The following MAST4 variants were observed in gnomAD, a reference collection of about 807,000 sequenced individuals.
MAST4 encodes microtubule-associated serine/threonine-protein kinase 4.
MAST4 carries 89 observed loss-of-function variants against 162.7 expected under a neutral mutation model. That is an observed-to-expected ratio of 0.55 (90% CI 0.46 to 0.65). The LOEUF (loss-of-function observed/expected upper bound fraction) is 0.65. Among genes scored for constraint, MAST4 ranks in the 30% least tolerant of loss-of-function variants. The pLI is 0.00. For synonymous variants in MAST4, 1,479 were observed against 1,361.1 expected (o/e 1.09, Z -1.91); for missense variants, 3,153 against 3,374.0 (o/e 0.93, Z 1.62).
At chr5:66,811,549 G>A (rs186460687) in intron 3 of MAST4, among the ~76,000 whole-genome samples, 9 of 152,248 alleles carry the variant, frequency 5.9e-5, no homozygotes, top group East Asian at 5.8e-4. Context: ...ATGCATTTCC[G>A]AGCTGGGGAA....
chr5:67,065,138 T>C (rs1273100481), intron 5 of MAST4, among the ~76,000 whole-genome samples: 1 of 152,176 alleles, frequency 6.6e-6, no homozygotes, highest in Non-Finnish European at 1.5e-5. Flanking sequence ...TTTTCTCATC[T>C]GCTAGTTGAA....
rs1773716041 is a variant in MAST4, at chr5:67,165,126, AGCGAGCGCTCTGCT to A, written c.5953_5966del (p.Arg1985GlyfsTer2). On this transcript the variant is annotated frameshift_variant, in exon 29 of 29. Transcript: ENST00000403625. LOFTEE classifies it low-confidence loss of function (END_TRUNC). ...TGAAAGAGGCCCTCCCACAGCCAGA[AGCGAGCGCTCTGCT>A]GCGAGGGCTGACACATGCAGAGAGC... is the stretch of plus-strand genomic sequence containing the variant. 1 of 1,589,202 alleles carries A rather than the reference AGCGAGCGCTCTGCT, an allele frequency of 6.3e-7. No individual in the cohort carries two copies. The highest frequency in any genetic ancestry group is 8.6e-7 in the Non-Finnish European group (1 of 1,167,612).
chr5:67,116,917 G>T (rs1766990037), intron 12 of MAST4, among the ~76,000 whole-genome samples: 1 of 152,164 alleles, frequency 6.6e-6, no homozygotes, highest in South Asian at 2.1e-4. Flanking sequence ...TCCTTTGAAG[G>T]TTAGGAATTG....
chr5:67,002,255 A>C (rs1751383510), intron 4 of MAST4, among the ~76,000 whole-genome samples: 1 of 152,220 alleles, frequency 6.6e-6, no homozygotes, highest in Non-Finnish European at 1.5e-5. Flanking sequence ...TACCGTCTTC[A>C]TGGGATTCTC....
At chr5:66,996,220 A>C (rs907941832) in intron 4 of MAST4, among the ~76,000 whole-genome samples, 1 of 152,288 alleles carries the variant, frequency 6.6e-6, no homozygotes, top group Admixed American at 6.5e-5. Context: ...CAGAGGTTGC[A>C]GTGAGTCGAG....
chr5:66,908,942 A>G (rs1561435466), intron 4 of MAST4, among the ~76,000 whole-genome samples: 1 of 152,206 alleles, frequency 6.6e-6, no homozygotes, highest in Non-Finnish European at 1.5e-5. Flanking sequence ...TTAAATTAAT[A>G]TTTGTAAAGT....
chr5:66,671,177 C>CCCAA (rs1441620911), intron 1 of MAST4, among the ~76,000 whole-genome samples: 1 of 152,120 alleles, frequency 6.6e-6, no homozygotes, highest in African/African-American at 2.4e-5. Context: ...TTAGGTAAAA[C>CCCAA]CCAACTGATA....
chr5:67,045,848 G>C (rs1334962832), intron 4 of MAST4, among the ~76,000 whole-genome samples: 1 of 152,116 alleles, frequency 6.6e-6, no homozygotes, highest in Admixed American at 6.6e-5. Context: ...TGTTATTTCT[G>C]TCATAAATTC....
intron 1 of MAST4, among the ~76,000 whole-genome samples, chr5:66,610,529 A>G (rs1743221972): frequency 6.6e-6 from 1 of 152,156 alleles, no homozygotes. Flanking sequence ...GAGCATCACC[A>G]GGGCCCTCTG....
intron 4 of MAST4, among the ~76,000 whole-genome samples, chr5:66,974,685 C>A (rs192902216): frequency 6.6e-6 from 1 of 152,236 alleles, no homozygotes; most frequent in Non-Finnish European, 1.5e-5. Flanking sequence ...TATGTTAGAA[C>A]TTTTTACCAT....
intron 18 of MAST4, among the ~76,000 whole-genome samples, chr5:67,135,529 AG>A (rs1474792436): frequency 6.6e-6 from 1 of 152,184 alleles, no homozygotes; most frequent in Non-Finnish European, 1.5e-5. Context: ...TTTGCATATG[AG>A]GGGCCCCTTT....
rs1580373759 is a variant in MAST4, at chr5:66,754,964, C to A, written c.364-4745C>A. Among the ~76,000 whole-genome samples the A allele has an allele frequency of 1.3e-5, 2 of 152,198 alleles. 1 individual carries two copies. Among genetic ancestry groups the A allele is most frequent in the African/African-American group, 4.8e-5 (2 of 41,518 alleles). On this transcript the variant is annotated intron_variant, in intron 1 of 28. Coordinates refer to ENST00000403625, the MANE Select transcript of MAST4 (RefSeq NM_001164664.2). ...CCTGGGTGGGAAGAGCCTGGGGCAT[C>A]CAAGGTCTGGCAAGAGACCAAGGTG...
At chr5:66,923,793 G>C (rs1764701352) in intron 4 of MAST4, among the ~76,000 whole-genome samples, 1 of 152,194 alleles carries the variant, frequency 6.6e-6, no homozygotes, top group African/African-American at 2.4e-5. Flanking sequence ...TATATTTCAA[G>C]TTGTTTGGGG....
intron 1 of MAST4, among the ~76,000 whole-genome samples, chr5:66,750,264 GTC>G (rs1229819270): frequency 6.6e-6 from 1 of 152,204 alleles, no homozygotes; most frequent in Non-Finnish European, 1.5e-5. Flanking sequence ...TACTGGATGA[GTC>G]TTTAAAATGC....
chr5:66,790,287 C>A (rs992950720), intron 3 of MAST4, among the ~76,000 whole-genome samples: 1 of 152,018 alleles, frequency 6.6e-6, no homozygotes, highest in Non-Finnish European at 1.5e-5. Context: ...CATTAGATAG[C>A]TGTATAAACT....
intron 26 of MAST4, among the ~76,000 whole-genome samples, chr5:67,159,481 A>G (rs1772941061): frequency 6.6e-6 from 1 of 151,668 alleles, no homozygotes; most frequent in African/African-American, 2.4e-5. Flanking sequence ...ACTCCCCCCA[A>G]CTCCCCTTCA....
At chr5:67,121,243 C>T in intron 14 of MAST4, 141 bp downstream of exon 14, 1 of 594,660 alleles carries the variant, frequency 1.7e-6, no homozygotes, top group Middle Eastern at 4.5e-4. Flanking sequence ...GAGGCTTGTA[C>T]TGTGCAGCCA....
chr5:66,619,299 A>G (rs533446902), intron 1 of MAST4, among the ~76,000 whole-genome samples: 1 of 152,198 alleles, frequency 6.6e-6, no homozygotes, highest in African/African-American at 2.4e-5. Context: ...CAGAGTAGGG[A>G]CTTGGTGAGT....
rs1173565616 is a variant in MAST4 at position 67,164,272 on chromosome 5, A to G, written c.5093A>G (p.Lys1698Arg). The change falls in exon 29 of 29, where the codon AAA becomes AGA. Residue 1698 changes from lysine (K) to arginine (R), a missense_variant. Transcript: ENST00000403625. This position sits in a 1 kb window ranked among gnomAD's most constrained non-coding sequence, Gnocchi z 5.3. The part of the protein sequence containing the change: ...YLRKKMSLED[K>R]EDNLCPVLKP... ...CGAAAGAAAATGTCACTTGAGGACA[A>G]AGAGGACAACCTCTGCCCTGTGCTG... The G allele has an allele frequency of 1.2e-6, 2 of 1,614,028 alleles. No homozygotes were observed. The highest frequency in any genetic ancestry group is 8.5e-7 in the Non-Finnish European group (1 of 1,179,884).
Sources: allele counts gnomAD v4.1 joint callset (sites outside exome capture counted in the v4.1 genomes callset), GRCh38; gene constraint gnomAD v4.1.1; non-coding constraint Gnocchi (gnomAD v3.1); transcripts MANE v1.5; gene names NCBI Gene and HGNC (gene_info 2026-07-23, HGNC 2026-07-21).